Variants in PCDHGA2 observed in about 807,000 individuals in gnomAD.
PCDHGA2 encodes the protein protocadherin gamma subfamily A, 2.
A neutral mutation model predicts 59.2 loss-of-function variants in PCDHGA2; 40 were observed. The observed-to-expected ratio is 0.68, with a 90% CI of 0.52 to 0.88. The LOEUF (loss-of-function observed/expected upper bound fraction) is 0.88, where lower values mean the gene tolerates loss of function less well. Among genes scored for constraint, PCDHGA2 ranks in the 40% least tolerant of loss-of-function variants. The pLI is 0.00. For synonymous variants in PCDHGA2, 560 were observed against 526.0 expected (o/e 1.06, Z -0.89); for missense variants, 1,226 against 1,204.0 (o/e 1.02, Z -0.27).
At position 141,432,436 on chromosome 5, in the gene PCDHGA2, G is replaced by C; in HGVS notation, c.2425-62371G>C. ...TCGTGCTGGACCAGAACGACAATGC[G>C]CCCGAGATCCTGTACCCCGCCCTCC... On this transcript the variant is annotated intron_variant, in intron 1 of 3. Transcript: ENST00000394576. This position sits in a 1 kb window ranked among gnomAD's most constrained non-coding sequence, Gnocchi z 6.0. 1 of 1,614,196 alleles carries C rather than the reference G, an allele frequency of 6.2e-7. No individual in the cohort carries two copies. Among genetic ancestry groups the C allele is most frequent in the Middle Eastern group, 1.6e-4 (1 of 6,062 alleles).
intron 1 of PCDHGA2, chr5:141,383,225 T>C: frequency 6.2e-7 from 1 of 1,613,970 alleles, no homozygotes; most frequent in Non-Finnish European, 8.5e-7. Flanking sequence ...TTTAACATCC[T>C]GATGGAAGAT....
Position 141,410,620 on chromosome 5 carries a change from G to A in PCDHGA2, c.2424+69225G>A, listed in dbSNP as rs765125633. 4 of 1,603,524 alleles carry A rather than the reference G, an allele frequency of 2.5e-6. No homozygotes were observed. In the South Asian group the frequency reaches 3.3e-5, roughly 13 times the overall value. On this transcript the variant is annotated intron_variant, in intron 1 of 3. Coordinates refer to ENST00000394576, the MANE Select transcript of PCDHGA2 (RefSeq NM_018915.4). The stretch of plus-strand genomic sequence containing the variant: ...CTTCACATCCTGAGACTCTGACTTC[G>A]GTGAGTTTCTCTTTTTTGTGTGTGA...
intron 1 of PCDHGA2, among the ~76,000 whole-genome samples, chr5:141,494,157 G>A (rs929922206): frequency 5.9e-5 from 9 of 152,312 alleles, no homozygotes; most frequent in African/African-American, 1.7e-4. Context: ...TGTCTGGCAC[G>A]GAGTTCTAGG....
In PCDHGA2 at chr5:141,392,907, C is replaced by T. The variant is rs746317747; in HGVS notation, c.2424+51512C>T. The T allele has an allele frequency of 5.6e-6, 9 of 1,613,824 alleles. No homozygotes were observed. In the East Asian group the frequency reaches 1.8e-4, roughly 32 times the overall value. On this transcript the variant is annotated intron_variant, in intron 1 of 3. Coordinates refer to ENST00000394576, the MANE Select transcript of PCDHGA2 (RefSeq NM_018915.4). Reference sequence around the variant, plus strand: ...GTGGGAAATCGGGAGGGGACAGATTCGCTACTCTGTGCCAGAAGAGACGGA... The same window carrying T: ...GTGGGAAATCGGGAGGGGACAGATTTGCTACTCTGTGCCAGAAGAGACGGA...
chr5:141,394,860 G>A, intron 1 of PCDHGA2: 1 of 1,613,792 alleles, frequency 6.2e-7, no homozygotes, highest in African/African-American at 1.3e-5. Flanking sequence ...GCCTTCGGTC[G>A]ACCCGAACGA....
At chr5:141,405,523 G>T (rs140184617) in intron 1 of PCDHGA2, 2 of 679,202 alleles carry the variant, frequency 2.9e-6, no homozygotes, top group African/African-American at 3.6e-5. Context: ...AAATTCAAGC[G>T]ATTCTCCTGC....
In PCDHGA2 at chr5:141,404,306, T is replaced by C. The variant is rs200297928; in HGVS notation, c.2424+62911T>C. 1,450 of 1,613,824 alleles carry C rather than the reference T, an allele frequency of 9.0e-4. 2 individuals carry two copies. Among genetic ancestry groups the C allele is most frequent in the Admixed American group, 2.4e-3 (143 of 60,004 alleles). ...TGACATCAATGATAATCCACCTGCT[T>C]TCTCTCAAGCCTCCTACTCAGTCTA... On this transcript the variant is annotated intron_variant, in intron 1 of 3. Coordinates refer to ENST00000394576, the MANE Select transcript of PCDHGA2 (RefSeq NM_018915.4).
rs752058135 is a variant in PCDHGA2, at chr5:141,344,092, T to C, written c.2424+2697T>C. 14 of 1,613,428 alleles carry C rather than the reference T, an allele frequency of 8.7e-6. No individual in the cohort carries two copies. The African/African-American group carries it at 1.5e-4, about 17-fold the overall frequency. ...GGACTGGCCCTGCTGTGCGCGCTCC[T>C]GGGGACGCTGTGCGAAACAGGATCC... On this transcript the variant is annotated intron_variant, in intron 1 of 3. Transcript: ENST00000394576.
intron 1 of PCDHGA2, chr5:141,357,247 G>C (rs11575951): frequency 0.023 from 36,857 of 1,613,696 alleles, 965 homozygotes; most frequent in African/African-American, 0.14. Flanking sequence ...GCCTTCAGCA[G>C]ACCCAGACGA....
chr5:141,394,724 G>C (rs2093074353), intron 1 of PCDHGA2: 2 of 1,613,380 alleles, frequency 1.2e-6, no homozygotes, highest in Non-Finnish European at 1.7e-6. Context: ...ACAGAGATGC[G>C]CTCAAGCAGA....
intron 1 of PCDHGA2, among the ~76,000 whole-genome samples, chr5:141,465,348 A>C (rs886810999): frequency 6.6e-6 from 1 of 152,158 alleles, no homozygotes; most frequent in African/African-American, 2.4e-5. Context: ...GTTACTGAAG[A>C]AAAAATGGGT....
chr5:141,489,991 A>G lies in PCDHGA2; in HGVS notation c.2425-4816A>G, dbSNP rs1157441385. On this transcript the variant is annotated intron_variant, in intron 1 of 3. Coordinates refer to ENST00000394576, the MANE Select transcript of PCDHGA2 (RefSeq NM_018915.4). The surrounding 1 kb of genome is among the most constrained non-coding windows in gnomAD (Gnocchi z 4.5). Reference sequence around the variant, plus strand: ...CCAATCCTCAGTTCTACGTGTGGGAATCCCAGAGAATGCACCCATTGGTAC... The same window carrying G: ...CCAATCCTCAGTTCTACGTGTGGGAGTCCCAGAGAATGCACCCATTGGTAC... The G allele has an allele frequency of 6.2e-7, 1 of 1,614,228 alleles. No individual in the cohort carries two copies. Among genetic ancestry groups the G allele is most frequent in the South Asian group, 1.1e-5 (1 of 91,090 alleles).
At chr5:141,361,145 T>C (rs1561522741) in intron 1 of PCDHGA2, 2 of 1,613,964 alleles carry the variant, frequency 1.2e-6, no homozygotes, top group South Asian at 2.2e-5. Flanking sequence ...CAAGTTGAAA[T>C]TCTTGATGAC....
At chr5:141,376,928 C>G (rs928041482) in intron 1 of PCDHGA2, 1 of 168,908 alleles carries the variant, frequency 5.9e-6, no homozygotes, top group Non-Finnish European at 1.3e-5. Flanking sequence ...ACCTCATGAT[C>G]CACCCGCCTC....
Position 141,489,690 on chromosome 5 carries a change from A to T in PCDHGA2, c.2425-5117A>T. The T allele has an allele frequency of 6.2e-7, 1 of 1,614,198 alleles. No individual in the cohort carries two copies. The highest frequency in any genetic ancestry group is 8.5e-7 in the Non-Finnish European group (1 of 1,180,024). ...TCTCAGAATCAGCAGCATCTGGGGC[A>T]CGATTCCCACTGGACAGTGCCCAGG... On this transcript the variant is annotated intron_variant, in intron 1 of 3. Coordinates refer to ENST00000394576, the MANE Select transcript of PCDHGA2 (RefSeq NM_018915.4). The surrounding 1 kb of genome is among the most constrained non-coding windows in gnomAD (Gnocchi z 4.5).
intron 1 of PCDHGA2, among the ~76,000 whole-genome samples, chr5:141,447,123 T>G (rs1004463863): frequency 1.3e-5 from 2 of 152,160 alleles, no homozygotes; most frequent in Non-Finnish European, 2.9e-5. Flanking sequence ...CCATGGATTT[T>G]TTTGTTTGTT....
intron 1 of PCDHGA2, among the ~76,000 whole-genome samples, chr5:141,465,094 G>GTT (rs138941665): frequency 3.4e-5 from 5 of 148,194 alleles, no homozygotes; most frequent in Non-Finnish European, 6.0e-5. Flanking sequence ...TTTTCTAGTA[G>GTT]TTTTTTTTTT....
intron 1 of PCDHGA2, chr5:141,351,901 G>C (rs760555793): frequency 6.2e-7 from 1 of 1,613,280 alleles, no homozygotes; most frequent in African/African-American, 1.3e-5. Flanking sequence ...TGCGCGTGTT[G>C]GTGGGCGACC....
intron 1 of PCDHGA2, chr5:141,409,208 G>A: frequency 6.2e-7 from 1 of 1,613,984 alleles, no homozygotes; most frequent in South Asian, 1.1e-5. Context: ...AGTAATCATA[G>A]AAATCCTTGA....
Sources: gnomAD v4.1 joint callset for allele counts (sites outside exome capture counted in the v4.1 genomes callset) on GRCh38, gnomAD v4.1.1 for gene constraint, Gnocchi (gnomAD v3.1) non-coding constraint, MANE v1.5 for transcripts, NCBI Gene and HGNC (gene_info 2026-07-23, HGNC 2026-07-21) for gene names.